Variants in CFAP54 observed in about 807,000 individuals in gnomAD.
The protein encoded by CFAP54 is cilia- and flagella-associated protein 54.
A neutral mutation model predicts 370.4 loss-of-function variants in CFAP54; 290 were observed. The ratio of observed to expected loss-of-function variants is 0.78; its 90% CI spans 0.71 to 0.86. The LOEUF is 0.86. Among genes scored for constraint, CFAP54 ranks in the 40% least tolerant of loss-of-function variants. The pLI is 0.00. For synonymous variants in CFAP54, 1,206 were observed against 1,236.5 expected, an observed-to-expected ratio of 0.98 and a Z score of 0.52; for missense variants, 3,399 against 3,528.7, an observed-to-expected ratio of 0.96 and a Z score of 0.93.
chr12:96,581,190 T>C, intron 22 of CFAP54, 85 bp downstream of exon 22: 1 of 959,966 alleles, frequency 1.0e-6, no homozygotes, highest in Non-Finnish European at 1.4e-6. Flanking sequence ...GAAATAAAAA[T>C]CACAGCAGAT....
At chr12:96,542,982 T>G (rs1411553950) in intron 14 of CFAP54, among the ~76,000 whole-genome samples, 1 of 152,210 alleles carries the variant, frequency 6.6e-6, no homozygotes, top group South Asian at 2.1e-4. Context: ...TTTCCCTCCA[T>G]GTGATGTTGA....
intron 40 of CFAP54, chr12:96,682,236 C>G (rs910668760): frequency 2.0e-6 from 2 of 985,510 alleles, no homozygotes; most frequent in African/African-American, 1.7e-5. Flanking sequence ...TACCCCCTGA[C>G]CTTTCTCAGG....
intron 15 of CFAP54, among the ~76,000 whole-genome samples, chr12:96,550,012 C>G (rs531190290): frequency 1.4e-4 from 22 of 152,286 alleles, no homozygotes; most frequent in African/African-American, 5.3e-4. Flanking sequence ...TGAAAGAAAA[C>G]TTATTTCAAA....
chr12:96,584,313 A>T (rs1403240070), intron 22 of CFAP54, among the ~76,000 whole-genome samples: 1 of 152,042 alleles, frequency 6.6e-6, no homozygotes, highest in Non-Finnish European at 1.5e-5. Flanking sequence ...AAAATACAAA[A>T]ATTAGCCAGA....
intron 1 of CFAP54, among the ~76,000 whole-genome samples, 159 bp downstream of exon 1, chr12:96,490,085 C>T (rs1416597024): frequency 2.0e-5 from 3 of 152,188 alleles, no homozygotes; most frequent in East Asian, 1.9e-4. Flanking sequence ...AGTGGAGACT[C>T]GTCGCTCTTA....
At chr12:96,546,138 G>A (rs776360122) in intron 14 of CFAP54, among the ~76,000 whole-genome samples, 32 of 152,196 alleles carry the variant, frequency 2.1e-4, no homozygotes, top group Non-Finnish European at 3.8e-4. Flanking sequence ...GAAGCAGGGA[G>A]CAGAGTGGGG....
At chr12:96,744,599 A>G (rs1410470006) in intron 55 of CFAP54, among the ~76,000 whole-genome samples, 3 of 152,248 alleles carry the variant, frequency 2.0e-5, no homozygotes, top group African/African-American at 7.2e-5. Flanking sequence ...TGTTAAATGC[A>G]TTATGTATTT....
At chr12:96,769,466 G>A (rs775476364) in intron 60 of CFAP54, among the ~76,000 whole-genome samples, 1 of 152,166 alleles carries the variant, frequency 6.6e-6, no homozygotes, top group African/African-American at 2.4e-5. Flanking sequence ...CGTTCGGGGG[G>A]CTGTAGGTAT....
intron 32 of CFAP54, among the ~76,000 whole-genome samples, chr12:96,642,348 A>G (rs962631399): frequency 7.9e-5 from 12 of 152,146 alleles, no homozygotes; most frequent in African/African-American, 2.9e-4. Flanking sequence ...CTAAGTTGTG[A>G]GGGCTACTGA....
At chr12:96,673,714 C>T (rs1167052201) in intron 39 of CFAP54, among the ~76,000 whole-genome samples, 2 of 152,182 alleles carry the variant, frequency 1.3e-5, no homozygotes, top group African/African-American at 2.4e-5. Context: ...AGACAGAGTA[C>T]TCATGATGGT....
At chr12:96,871,632 A>G (rs891428923) in intron 67 of CFAP54, among the ~76,000 whole-genome samples, 7 of 152,200 alleles carry the variant, frequency 4.6e-5, no homozygotes, top group East Asian at 1.9e-4. Context: ...TAACTATAAT[A>G]TACATGTAAA....
At chr12:96,827,749 TACA>T (rs1959135072) in intron 65 of CFAP54, among the ~76,000 whole-genome samples, 2 of 116,564 alleles carry the variant, frequency 1.7e-5, no homozygotes, top group African/African-American at 7.1e-5. Flanking sequence ...TTATATATAA[TACA>T]TAGTAACATA....
chr12:96,659,443 A>G (rs943971426), intron 38 of CFAP54, among the ~76,000 whole-genome samples: 2 of 152,146 alleles, frequency 1.3e-5, no homozygotes, highest in African/African-American at 4.8e-5. Context: ...AGCTGACAAT[A>G]CTTTCAGGGG....
rs573515491 is a variant in CFAP54 at position 96,874,720 on chromosome 12, C to T, written c.*15-398C>T. ...TCTCGGCTCACTGCAAGCTCCGCCT[C>T]CCGGGTTCACGCCATTCTCCTGCCT... On this transcript the variant is annotated intron_variant, in intron 67 of 67. Transcript: ENST00000524981. Among the ~76,000 whole-genome samples, 23 of 146,682 alleles carry T rather than the reference C, an allele frequency of 1.6e-4. No individual in the cohort carries two copies. The South Asian group carries it at 4.0e-3, about 25-fold the overall frequency.
intron 67 of CFAP54, among the ~76,000 whole-genome samples, chr12:96,869,365 A>C (rs1347332482): frequency 6.6e-6 from 1 of 152,170 alleles, no homozygotes; most frequent in Non-Finnish European, 1.5e-5. Context: ...TGCTTGAAAT[A>C]AGTTGGTTGA....
chr12:96,743,975 AC>A, intron 54 of CFAP54, 44 bp from the exon 55 acceptor site: 3 of 1,602,312 alleles, frequency 1.9e-6, no homozygotes, highest in Middle Eastern at 3.3e-4. Context: ...CCTATTCCAA[AC>A]CACGTCAACT....
At chr12:96,537,107 AGGTTT>A (rs1955515389) in intron 12 of CFAP54, among the ~76,000 whole-genome samples, 1 of 152,166 alleles carries the variant, frequency 6.6e-6, no homozygotes, top group African/African-American at 2.4e-5. Context: ...AGAGAGCTCC[AGGTTT>A]GGTATATTTT....
Position 96,637,035 on chromosome 12 carries a change from A to G in CFAP54, c.4316+6384A>G, listed in dbSNP as rs538497047. On this transcript the variant is annotated intron_variant, in intron 32 of 67. Coordinates refer to ENST00000524981, the MANE Select transcript of CFAP54 (RefSeq NM_001306084.2). ...CCAGAAAGAAACCCGGCACCCCTTA[A>G]CTATCACTCCCTCACATCCAACTCC... Among the ~76,000 whole-genome samples, 5 of 152,250 alleles carry G rather than the reference A, an allele frequency of 3.3e-5. No homozygotes were observed. The South Asian group carries it at 8.3e-4, about 25-fold the overall frequency.
chr12:96,643,133 A>T (rs1038768259), intron 32 of CFAP54, among the ~76,000 whole-genome samples: 2 of 152,194 alleles, frequency 1.3e-5, no homozygotes, highest in African/African-American at 4.8e-5. Context: ...AACTTTCAGG[A>T]TACAGCTATT....
Sources: allele counts gnomAD v4.1 joint callset (sites outside exome capture counted in the v4.1 genomes callset), GRCh38; gene constraint gnomAD v4.1.1; transcripts MANE v1.5; gene names NCBI Gene and HGNC (gene_info 2026-07-23, HGNC 2026-07-21).